The following MUC4 variants were observed in gnomAD, a reference collection of about 807,000 sequenced individuals.
The protein encoded by MUC4 is mucin-4.
MUC4 carries 202 observed loss-of-function variants against 257.9 expected under a neutral mutation model. The ratio of observed to expected loss-of-function variants is 0.78; its 90% CI spans 0.70 to 0.88. The LOEUF is 0.88. Among genes scored for constraint, MUC4 ranks in the 40% least tolerant of loss-of-function variants. The pLI, the probability that MUC4 is intolerant of heterozygous loss-of-function variation, is 0.00. For missense variants in MUC4, 5,976 were observed against 6,513.7 expected (o/e 0.92, Z 2.84); for synonymous variants, 2,351 against 2,757.1 (o/e 0.85, Z 4.62).
chr3:195,775,140 C>T (rs1256850571), intron 3 of MUC4, among the ~76,000 whole-genome samples: 1 of 152,070 alleles, frequency 6.6e-6, no homozygotes, highest in Non-Finnish European at 1.5e-5. Flanking sequence ...TGCTTGGAAA[C>T]CCGCAGGCTC....
At position 195,781,177 on chromosome 3, in the gene MUC4, C is replaced by G. The variant is rs1727648416; in HGVS notation, c.10403G>C (p.Gly3468Ala). 1 of 1,495,208 alleles carries G rather than the reference C, an allele frequency of 6.7e-7. No homozygotes were observed. The highest frequency in any genetic ancestry group is 1.5e-5 in the African/African-American group (1 of 65,032). 92.6% of individuals were successfully genotyped at this position (1,495,208 alleles called of 1,614,324 possible). The change falls in exon 2 of 25, where the codon GGT becomes GCT. Residue 3468 changes from glycine (G) to alanine (A), a missense_variant. This residue lies in a region of MUC4 where 297 missense variants were observed against 240.9 expected (regional missense o/e 1.23). Transcript: ENST00000463781. ...PVTDTSSAST[G>A]DTTPLPVTSP... is the part of the protein sequence containing the mutation. ...GGTGACAGGAAGAGGGGTGGTGTCA[C>G]CTGTGGATGCTGAGGAAGTGTCGGT...
At position 195,779,036 on chromosome 3, in the gene MUC4, T is replaced by C. The variant is rs138720131; in HGVS notation, c.12544A>G (p.Thr4182Ala). 3.8e-4 allele frequency: 224 copies of C among 595,058 alleles called. 11 individuals carry two copies. The highest frequency in any genetic ancestry group is 2.8e-3 in the Middle Eastern group (5 of 1,770). The allele number at this position is 595,058 out of a possible 1,614,324, so 36.9% of individuals were successfully genotyped here. A position where few individuals can be genotyped will look rare whatever the true frequency, so the allele number is the denominator to read the frequency against. ...GTGTCACCTGTGGATGCTGAGGAAG[T>C]GCTGGTGACAGGAAGAGGGGTGCCG... Reference protein sequence around the residue: ...GHGTPLPVTSTSSASTGDTTP... With the variant: ...GHGTPLPVTSASSASTGDTTP... The change falls in exon 2 of 25, where the codon ACT becomes GCT. Residue 4182 changes from threonine to alanine, a missense_variant. By Grantham distance (58) the Thr-to-Ala change is moderately conservative. Around this residue, in one of 44 missense-constraint regions of MUC4, gnomAD observed 293 missense variants for 294.5 expected, o/e 1.00. Transcript: ENST00000463781.
intron 7 of MUC4, among the ~76,000 whole-genome samples, chr3:195,768,715 T>C (rs1030295972): frequency 3.3e-5 from 5 of 152,242 alleles, no homozygotes; most frequent in Non-Finnish European, 5.9e-5. Flanking sequence ...TGGCTGTTAT[T>C]ATCACGATAT....
At chr3:195,754,467 G>T in intron 18 of MUC4, 95 bp from the exon 19 acceptor site, 1 of 1,445,138 alleles carries the variant, frequency 6.9e-7, no homozygotes, top group South Asian at 1.4e-5. Flanking sequence ...GAGAACCCGT[G>T]GACCCTGAGT....
chr3:195,763,445 C>G lies in MUC4; in HGVS notation c.14241G>C (p.Leu4747=). The change falls in exon 12 of 25, where the codon CTG becomes CTC. Residue 4747 remains leucine (L), a synonymous_variant. Coordinates refer to ENST00000463781, the MANE Select transcript of MUC4 (RefSeq NM_018406.7). Reference sequence around the variant, plus strand: ...ACCCCTCACTCACCGTGACGGGGCCCAGGCTGCTGGAGCGGTACTGAGCCG... The same window carrying G: ...ACCCCTCACTCACCGTGACGGGGCCGAGGCTGCTGGAGCGGTACTGAGCCG... ...AFAAQYRSSS[L]GPVTVQWLLE... is the part of the protein sequence containing the mutation. 7.0e-7 allele frequency: 1 copy of G among 1,421,324 alleles called. No homozygotes were observed. The highest frequency in any genetic ancestry group is 1.5e-5 in the African/African-American group (1 of 68,410). The allele number at this position is 1,421,324 out of a possible 1,614,324, so 88.0% of individuals were successfully genotyped here. A position where few individuals can be genotyped will look rare whatever the true frequency, so the allele number is the denominator to read the frequency against.
chr3:195,775,920 CCATACCTTCCACAGT>C (rs1724532212), intron 3 of MUC4, among the ~76,000 whole-genome samples: 8 of 81,916 alleles, frequency 9.8e-5, no homozygotes, highest in African/African-American at 2.5e-4. Context: ...CCTTCCACAC[CCATACCTTCCACAGT>C]CATACCTTCC....
At chr3:195,771,033 CTGGT>C (rs1722724425) in intron 5 of MUC4, 1 of 346,214 alleles carries the variant, frequency 2.9e-6, no homozygotes, top group East Asian at 8.4e-5. Context: ...TGGGGTATTC[CTGGT>C]CAGTCTCGTG....
Position 195,757,735 on chromosome 3 carries a change from C to G in MUC4, c.14987-407G>C, listed in dbSNP as rs890160022. On this transcript the variant is annotated intron_variant, in intron 17 of 24. Coordinates refer to ENST00000463781, the MANE Select transcript of MUC4 (RefSeq NM_018406.7). The surrounding 1 kb of genome is among the most constrained non-coding windows in gnomAD (Gnocchi z 4.8). ...TCTCACGGCAGCCCCATCCTTTGCC[C>G]TGATTTCTCACCCACCCCCCACTTC... 2.0e-5 allele frequency among the ~76,000 whole-genome samples: 3 copies of G among 152,168 alleles called. No individual in the cohort carries two copies. The highest frequency in any genetic ancestry group is 2.9e-5 in the Non-Finnish European group (2 of 68,026).
chr3:195,799,421 C>T (rs1467753646), intron 1 of MUC4, among the ~76,000 whole-genome samples: 1 of 152,220 alleles, frequency 6.6e-6, no homozygotes, highest in Non-Finnish European at 1.5e-5. Context: ...CTGCTTCAGC[C>T]TCCCAAGTAG....
rs77303944 is a variant in MUC4 at position 195,783,909 on chromosome 3, G to T, written c.7671C>A (p.His2557Gln). The change falls in exon 2 of 25, where the codon CAC (histidine) becomes CAA (glutamine). Residue 2557 changes from histidine to glutamine, a missense_variant. Transcript: ENST00000463781. ...TGTCGGTGACAGGAAGAGAGGTGGC[G>T]TGACCTGTGGATGCTGAGGAAGGGC... ...VTSPSSASTG[H>Q]ATSLPVTDTS... 3.6e-6 allele frequency: 5 copies of T among 1,379,292 alleles called. No homozygotes were observed. Among genetic ancestry groups the T allele is most frequent in the Admixed American group, 2.4e-5 (1 of 42,108 alleles). The allele number at this position is 1,379,292 out of a possible 1,614,324, so 85.4% of individuals were successfully genotyped here.
At chr3:195,798,365 C>T (rs1011790895) in intron 1 of MUC4, among the ~76,000 whole-genome samples, 3 of 152,096 alleles carry the variant, frequency 2.0e-5, no homozygotes, top group South Asian at 2.1e-4. Context: ...CATAATCTTG[C>T]TACCAGACAA....
intron 1 of MUC4, among the ~76,000 whole-genome samples, chr3:195,803,790 C>T (rs3096339): frequency 0.44 from 66,848 of 151,744 alleles, 15,910 homozygotes; most frequent in East Asian, 0.75. Flanking sequence ...CTGCGAGCTG[C>T]TCAGCTCTGG....
Position 195,757,692 on chromosome 3 carries a change from C to A in MUC4, c.14987-364G>T, listed in dbSNP as rs1245222403. Among the ~76,000 whole-genome samples, 1 of 152,146 alleles carries A rather than the reference C, an allele frequency of 6.6e-6. No individual in the cohort carries two copies. Among genetic ancestry groups the A allele is most frequent in the Non-Finnish European group, 1.5e-5 (1 of 68,028 alleles). On this transcript the variant is annotated intron_variant, in intron 17 of 24. Coordinates refer to ENST00000463781, the MANE Select transcript of MUC4 (RefSeq NM_018406.7). The surrounding 1 kb of genome is among the most constrained non-coding windows in gnomAD (Gnocchi z 4.8). ...CAGACACCTCCCCAGGCTGCGCTGC[C>A]GGCCAAACTGGCTTCACTCTCACGG... is the stretch of plus-strand genomic sequence containing the variant.
At position 195,774,127 on chromosome 3, in the gene MUC4, T is replaced by G. The variant is rs568274722; in HGVS notation, c.13077+45A>C. On this transcript the variant is annotated intron_variant, in intron 4 of 24. Transcript: ENST00000463781. ...TCCGTCTCGAAGCAGGAGAGAGAAG[T>G]GGGCCCTGGGAGTTCAGGCTGCGCG... 1.9e-6 allele frequency: 3 copies of G among 1,552,616 alleles called. No individual in the cohort carries two copies. The South Asian group carries it at 3.6e-5, about 19-fold the overall frequency.
At chr3:195,762,463 C>CTGGG (rs1719243013) in intron 13 of MUC4, among the ~76,000 whole-genome samples, 3 of 151,404 alleles carry the variant, frequency 2.0e-5, no homozygotes, top group South Asian at 2.1e-4. Context: ...CCGCCACGCA[C>CTGGG]CGGGCCCTGC....
Position 195,778,817 on chromosome 3 carries a change from C to A in MUC4, c.12763G>T (p.Asp4255Tyr). Residue 4255 changes from aspartate to tyrosine, a missense_variant, in exon 2 of 25, where the codon GAC becomes TAC. Coordinates refer to ENST00000463781, the MANE Select transcript of MUC4 (RefSeq NM_018406.7). The stretch of plus-strand genomic sequence containing the variant: ...GGTGTTTCCATCTTCAGAGGGGAGT[C>A]CGAGGATACTGTGGAAGCTGAGGTA... The part of the protein sequence containing the change: ...SATSASTVSS[D>Y]SPLKMETPGM... 1.2e-6 allele frequency: 2 copies of A among 1,611,928 alleles called. No homozygotes were observed. The highest frequency in any genetic ancestry group is 1.7e-6 in the Non-Finnish European group (2 of 1,179,368).
rs1455370073 is a variant in MUC4, at chr3:195,781,110, A to T, written c.10470T>A (p.His3490Gln). 5.2e-5 allele frequency: 78 copies of T among 1,488,168 alleles called. No individual in the cohort carries two copies. Among genetic ancestry groups the T allele is most frequent in the Non-Finnish European group, 6.6e-5 (73 of 1,109,806 alleles). 92.2% of individuals were successfully genotyped at this position (1,488,168 alleles called of 1,614,324 possible). ...TGGATGCTGAGGAAGGGATGGTGAC[A>T]TGAAGAGGGGTGGTGTGACCTGTAG... ...SASTGHTTPLHVTIPSSASTG... is the reference protein window; with the variant it reads ...SASTGHTTPLQVTIPSSASTG... The change falls in exon 2 of 25, where the codon CAT becomes CAA. Residue 3490 changes from histidine to glutamine, a missense_variant. His to Gln is a conservative substitution (Grantham distance 24, BLOSUM62 0). This residue lies in a region of MUC4 where 297 missense variants were observed against 240.9 expected (regional missense o/e 1.23). Transcript: ENST00000463781.
At chr3:195,753,412 C>T (rs951334011) in intron 19 of MUC4, 182 bp from the exon 20 acceptor site, 97 of 596,758 alleles carry the variant, frequency 1.6e-4, no homozygotes, top group Admixed American at 1.2e-3. Context: ...CCCCTTTCCC[C>T]GGCCAGACAG....
Position 195,794,373 on chromosome 3 carries a change from TAGAG to T in MUC4, c.83-2880_83-2877del, listed in dbSNP as rs6148255. Among the ~76,000 whole-genome samples the T allele has an allele frequency of 2.7e-3, 405 of 148,892 alleles. 3 individuals are homozygous for T. The highest frequency in any genetic ancestry group is 0.012 in the South Asian group (55 of 4,720). On this transcript the variant is annotated intron_variant, in intron 1 of 24. Coordinates refer to ENST00000463781, the MANE Select transcript of MUC4 (RefSeq NM_018406.7). ...TTTTTTCTTTTTAAACATATATATATAGAGAGAGAGAGAGAGAGAAGAAAGAGAG... is the reference window on the plus strand; with the variant it reads ...TTTTTTCTTTTTAAACATATATATATAGAGAGAGAGAGAGAAGAAAGAGAG...
Sources: allele counts gnomAD v4.1 joint callset (sites outside exome capture counted in the v4.1 genomes callset), GRCh38; gene constraint gnomAD v4.1.1; regional missense constraint gnomAD v4.1.1; non-coding constraint Gnocchi (gnomAD v3.1); transcripts MANE v1.5; gene names NCBI Gene and HGNC (gene_info 2026-07-23, HGNC 2026-07-21).